The following MYH16 variants were observed in gnomAD, a reference collection of about 807,000 sequenced individuals.
The protein encoded by MYH16 is myosin heavy chain 16, also known as putative uncharacterized protein MYH16.
chr7:99,243,812 T>C (rs1375798739), intron 2 of MYH16, among the ~76,000 whole-genome samples: 4 of 150,636 alleles, frequency 2.7e-5, no homozygotes, highest in Non-Finnish European at 5.9e-5. Context: ...CATCCATCCA[T>C]CCATTCATCC....
intron 27 of MYH16, among the ~76,000 whole-genome samples, chr7:99,285,922 T>A (rs1413352065): frequency 6.6e-6 from 1 of 152,184 alleles, no homozygotes; most frequent in Admixed American, 6.5e-5. Context: ...AACCCCAAAT[T>A]CAGCCAAATT....
chr7:99,257,630 T>C (rs772232064), intron 10 of MYH16, among the ~76,000 whole-genome samples: 1 of 152,198 alleles, frequency 6.6e-6, no homozygotes. Context: ...TTGTTGTCGT[T>C]GTTGTTTTCA....
At chr7:99,285,385 C>T (rs746147224) in exon 27 of MYH16, 137 of 456,664 alleles carry the variant, frequency 3.0e-4, no homozygotes, top group Non-Finnish European at 4.7e-4. Context: ...CTGCTAGGAC[C>T]GAATTGAAGA....
At chr7:99,291,617 A>ACCCCCCCCCCCCCCC (rs34446113) in intron 31 of MYH16, among the ~76,000 whole-genome samples, 167 bp downstream of exon 12, 899 of 105,924 alleles carry the variant, frequency 8.5e-3, no homozygotes, top group Non-Finnish European at 9.6e-3. Flanking sequence ...ACACAGCAAG[A>ACCCCCCCCCCCCCCC]CCCCCCCCCA....
At chr7:99,257,240 G>A (rs1259642733) in intron 9 of MYH16, 1 of 152,722 alleles carries the variant, frequency 6.5e-6, no homozygotes. Flanking sequence ...GCAGTCCCAT[G>A]GCCTCCACTA....
chr7:99,284,966 C>G (rs1289536620), intron 26 of MYH16, 31 bp downstream of exon 8: 2 of 456,224 alleles, frequency 4.4e-6, no homozygotes, highest in African/African-American at 4.0e-5. Flanking sequence ...CATGAGCTCT[C>G]TGTCAGAAAT....
intron 2 of MYH16, among the ~76,000 whole-genome samples, chr7:99,245,419 G>A (rs925674435): frequency 1.3e-5 from 2 of 152,192 alleles, no homozygotes; most frequent in African/African-American, 4.8e-5. Context: ...CAATGTGACT[G>A]TCCAGCAAGG....
chr7:99,280,339 G>T (rs187027101), intron 22 of MYH16, among the ~76,000 whole-genome samples: 82 of 152,386 alleles, frequency 5.4e-4, no homozygotes, highest in Non-Finnish European at 9.7e-4. Context: ...GCTGGACAGG[G>T]CAGCTAAGGG....
chr7:99,284,752 A>T, intron 25 of MYH16, 93 bp from the exon 8 acceptor site: 1 of 440,958 alleles, frequency 2.3e-6, no homozygotes, highest in Non-Finnish European at 4.6e-6. Flanking sequence ...GGCAGGTTCA[A>T]GGCCTCCTCT....
intron 1 of MYH16, among the ~76,000 whole-genome samples, chr7:99,240,458 CAAAACAAAACAAAACA>C (rs1393539604): frequency 5.3e-5 from 8 of 152,048 alleles, no homozygotes; most frequent in African/African-American, 1.9e-4. Context: ...GCAAAGAAAA[CAAAACAAAACAAAACA>C]AAAACAAAAA....
chr7:99,241,639 C>T (rs1025879601), intron 1 of MYH16, among the ~76,000 whole-genome samples: 22 of 152,016 alleles, frequency 1.4e-4, no homozygotes, highest in Non-Finnish European at 3.2e-4. Flanking sequence ...TTACTAAGGG[C>T]GTGGTAACCA....
At chr7:99,273,517 A>C (rs562084054) in intron 20 of MYH16, 94 bp downstream of exon 2, 43 of 433,298 alleles carry the variant, frequency 9.9e-5, no homozygotes, top group Admixed American at 7.7e-4. Flanking sequence ...CGGGAGTGAG[A>C]GGCTGCAAGA....
chr7:99,251,414 T>C (rs922180521), intron 6 of MYH16, among the ~76,000 whole-genome samples: 1 of 152,216 alleles, frequency 6.6e-6, no homozygotes, highest in Non-Finnish European at 1.5e-5. Flanking sequence ...AGCTCAAGGT[T>C]TGAAGACTCT....
chr7:99,288,914 C>T (rs1792326531), intron 29 of MYH16, among the ~76,000 whole-genome samples: 1 of 152,128 alleles, frequency 6.6e-6, no homozygotes, highest in South Asian at 2.1e-4. Flanking sequence ...CAGTTCAAGA[C>T]CAGCCTGGGC....
downstream of MYH16, among the ~76,000 whole-genome samples, chr7:99,309,595 G>C (rs1792730872): frequency 6.6e-6 from 1 of 152,192 alleles, no homozygotes; most frequent in Non-Finnish European, 1.5e-5. Flanking sequence ...AGTGAGCTCT[G>C]ACCTAGGTGG....
chr7:99,248,909 T>C (rs1046913781), intron 3 of MYH16: 1 of 152,690 alleles, frequency 6.5e-6, no homozygotes, highest in Admixed American at 6.5e-5. Context: ...GGGGAAGCGC[T>C]GACTGGCTGG....
chr7:99,308,310 A>G (rs953685078), downstream of MYH16, among the ~76,000 whole-genome samples: 1 of 150,906 alleles, frequency 6.6e-6, no homozygotes, highest in Non-Finnish European at 1.5e-5. Flanking sequence ...AAAAAAAAAA[A>G]AAAAAAAAAA....
At chr7:99,280,918 C>T in exon 23 of MYH16, 1 of 423,918 alleles carries the variant, frequency 2.4e-6, no homozygotes, top group African/African-American at 2.1e-5. Context: ...GGACCTCTCA[C>T]TCCGTGAAGA....
chr7:99,260,447 C>A (rs1791926447), intron 12 of MYH16: 1 of 524,812 alleles, frequency 1.9e-6, no homozygotes. Context: ...CCACCAGTGA[C>A]CTTCCTTGGT....
Sources: gnomAD v4.1 joint callset for allele counts (sites outside exome capture counted in the v4.1 genomes callset) on GRCh38, gnomAD v4.1.1 for gene constraint, MANE v1.5 for transcripts, NCBI Gene and HGNC (gene_info 2026-07-23, HGNC 2026-07-21) for gene names.